TSHZ1: variants seen among roughly 807,000 people sequenced by gnomAD.
TSHZ1 encodes the protein teashirt zinc finger homeobox 1.
Under a neutral mutation model 67.1 loss-of-function variants are expected in TSHZ1, and 12 were observed. The ratio of observed to expected loss-of-function variants is 0.18; its 90% CI spans 0.11 to 0.29. The LOEUF (loss-of-function observed/expected upper bound fraction) is 0.29. Among genes scored for constraint, TSHZ1 ranks in the 10% least tolerant of loss-of-function variants. The pLI, the probability that TSHZ1 is intolerant of heterozygous loss-of-function variation, is 1.00. For synonymous variants in TSHZ1, 632 were observed against 622.4 expected (o/e 1.02, Z -0.23); for missense variants, 1,305 against 1,413.9 (o/e 0.92, Z 1.23).
chr18:75,288,294 C>A lies in TSHZ1; in HGVS notation c.2887C>A (p.Leu963Met). 1 of 1,614,212 alleles carries A rather than the reference C, an allele frequency of 6.2e-7. No individual in the cohort carries two copies. The highest frequency in any genetic ancestry group is 1.1e-5 in the South Asian group (1 of 91,080). ...RTGGTKFLKNLDTGHPVFFCN... is the reference protein window; with the variant it reads ...RTGGTKFLKNMDTGHPVFFCN... ...AGGGGGAACGAAATTCCTAAAGAAC[C>A]TGGACACAGGGCATCCTGTTTTCTT... The change falls in exon 2 of 2, where the codon CTG becomes ATG. Residue 963 changes from leucine (L) to methionine (M), a missense_variant. This residue lies in a region of TSHZ1 where 909 missense variants were observed against 961.8 expected (regional missense o/e 0.95). Coordinates refer to ENST00000580243, the MANE Select transcript of TSHZ1 (RefSeq NM_001308210.2). This position sits in a 1 kb window ranked among gnomAD's most constrained non-coding sequence, Gnocchi z 4.9.
chr18:75,272,224 G>T (rs180744019), intron 1 of TSHZ1, among the ~76,000 whole-genome samples: 2 of 152,204 alleles, frequency 1.3e-5, no homozygotes, highest in Non-Finnish European at 2.9e-5. Flanking sequence ...GGAAGAGCAC[G>T]CAGGTCTGAG....
In TSHZ1 at chr18:75,281,402, T is replaced by C. The variant is rs765805695; in HGVS notation, c.41-4046T>C. Among the ~76,000 whole-genome samples, 15 of 152,016 alleles carry C rather than the reference T, an allele frequency of 9.9e-5. No individual in the cohort carries two copies. Among genetic ancestry groups the C allele is most frequent in the Non-Finnish European group, 1.9e-4 (13 of 67,984 alleles). Reference sequence around the variant, plus strand: ...TGCTGGAGAGGGCGGTGGGGTGTCATTTTGTTTGCACACAACGTAGGTGTG... The same window carrying C: ...TGCTGGAGAGGGCGGTGGGGTGTCACTTTGTTTGCACACAACGTAGGTGTG... On this transcript the variant is annotated intron_variant, in intron 1 of 1. Coordinates refer to ENST00000580243, the MANE Select transcript of TSHZ1 (RefSeq NM_001308210.2). This position sits in a 1 kb window ranked among gnomAD's most constrained non-coding sequence, Gnocchi z 5.3.
At chr18:75,261,034 A>C (rs1200792982) in intron 1 of TSHZ1, among the ~76,000 whole-genome samples, 1 of 151,750 alleles carries the variant, frequency 6.6e-6, no homozygotes, top group Non-Finnish European at 1.5e-5. Context: ...TTCCCCCGGG[A>C]GTGAAACTGT....
intron 1 of TSHZ1, among the ~76,000 whole-genome samples, chr18:75,212,956 G>A (rs2022718639): frequency 6.6e-6 from 1 of 152,186 alleles, no homozygotes; most frequent in Non-Finnish European, 1.5e-5. Context: ...CTAAATAATA[G>A]AGTAAATCAA....
chr18:75,231,105 G>C (rs2022993120), intron 1 of TSHZ1, among the ~76,000 whole-genome samples: 1 of 152,238 alleles, frequency 6.6e-6, no homozygotes, highest in Non-Finnish European at 1.5e-5. Context: ...TTTCTCTCCA[G>C]TGGTGGAGGG....
At chr18:75,277,715 C>T (rs750386370) in intron 1 of TSHZ1, among the ~76,000 whole-genome samples, 21 of 152,130 alleles carry the variant, frequency 1.4e-4, no homozygotes, top group Non-Finnish European at 2.6e-4. Context: ...GGCCCTACCT[C>T]CTTCTGCCAT....
chr18:75,261,743 A>G lies in TSHZ1; in HGVS notation c.41-23705A>G, dbSNP rs548766057. Among the ~76,000 whole-genome samples, 11 of 152,396 alleles carry G rather than the reference A, an allele frequency of 7.2e-5. No homozygotes were observed. In the East Asian group the frequency reaches 2.1e-3, roughly 29 times the overall value. On this transcript the variant is annotated intron_variant, in intron 1 of 1. Coordinates refer to ENST00000580243, the MANE Select transcript of TSHZ1 (RefSeq NM_001308210.2). The stretch of plus-strand genomic sequence containing the variant: ...GCTGCTGTCATCATTTGAATGCTGT[A>G]GGACCTTTGGCTGAAATGAAAAGAC...
In TSHZ1 at chr18:75,269,245, T is replaced by A. The variant is rs933851190; in HGVS notation, c.41-16203T>A. 5.3e-5 allele frequency among the ~76,000 whole-genome samples: 8 copies of A among 152,332 alleles called. 1 individual carries two copies. Among genetic ancestry groups the A allele is most frequent in the African/African-American group, 1.9e-4 (8 of 41,584 alleles). On this transcript the variant is annotated intron_variant, in intron 1 of 1. Coordinates refer to ENST00000580243, the MANE Select transcript of TSHZ1 (RefSeq NM_001308210.2). ...TTTATCTGCATCAGTTTGCTTTGGA[T>A]TACATGCAGCGTCTGCTCATTCTGT...
intron 1 of TSHZ1, among the ~76,000 whole-genome samples, chr18:75,273,093 AT>A (rs2023577224): frequency 2.0e-5 from 3 of 152,162 alleles, no homozygotes; most frequent in Admixed American, 1.3e-4. Flanking sequence ...ATTTTTCAGC[AT>A]AGATTTGAAG....
Position 75,267,832 on chromosome 18 carries a change from C to T in TSHZ1, c.41-17616C>T, listed in dbSNP as rs113930961. Among the ~76,000 whole-genome samples, 1,303 of 152,272 alleles carry T rather than the reference C, an allele frequency of 8.6e-3. 20 individuals are homozygous for T. Among genetic ancestry groups the T allele is most frequent in the African/African-American group, 0.029 (1,187 of 41,532 alleles). On this transcript the variant is annotated intron_variant, in intron 1 of 1. Coordinates refer to ENST00000580243, the MANE Select transcript of TSHZ1 (RefSeq NM_001308210.2). ...CAGTATCCTGTATGACATTTTACAT[C>T]GTCTCCTCGACACAGGGCAGACAGC...
chr18:75,212,021 G>A, intron 1 of TSHZ1, 105 bp downstream of exon 1: 1 of 903,094 alleles, frequency 1.1e-6, no homozygotes, highest in Non-Finnish European at 1.4e-6. Flanking sequence ...GCCGCCCCAA[G>A]CTGGGGAGGG....
At chr18:75,234,190 G>A (rs960683925) in intron 1 of TSHZ1, among the ~76,000 whole-genome samples, 3 of 152,190 alleles carry the variant, frequency 2.0e-5, no homozygotes, top group Non-Finnish European at 4.4e-5. Flanking sequence ...TGGAGCCGGA[G>A]CCTGTGGGCC....
chr18:75,285,463 A>T lies in TSHZ1; in HGVS notation c.56A>T (p.Glu19Val). 6.7e-7 allele frequency: 1 copy of T among 1,490,516 alleles called. No homozygotes were observed. Among genetic ancestry groups the T allele is most frequent in the Non-Finnish European group, 8.9e-7 (1 of 1,119,236 alleles). 92.3% of individuals were successfully genotyped at this position (1,490,516 alleles called of 1,614,324 possible). ...PRRSAAYVPE[E>V]ELKAAEIDEE... ...TCTCTCCTAGCTTATGTTCCTGAGG[A>T]AGAATTGAAGGCAGCAGAAATAGAT... Residue 19 changes from glutamate to valine, a missense_variant, in exon 2 of 2, where the codon GAA becomes GTA. Transcript: ENST00000580243.
rs1414804763 is a variant in TSHZ1, at chr18:75,211,932, C to A, written c.40+16C>A. The A allele has an allele frequency of 4.2e-6, 5 of 1,202,052 alleles. No individual in the cohort carries two copies. Among genetic ancestry groups the A allele is most frequent in the Middle Eastern group, 3.3e-4 (1 of 3,062 alleles). The allele number at this position is 1,202,052 out of a possible 1,614,324, so 74.5% of individuals were successfully genotyped here. A position where few individuals can be genotyped will look rare whatever the true frequency, so the allele number is the denominator to read the frequency against. On this transcript the variant is annotated intron_variant, in intron 1 of 1. Coordinates refer to ENST00000580243, the MANE Select transcript of TSHZ1 (RefSeq NM_001308210.2). ...CGCTCGGCAGGTAACGGGCGCGCGG[C>A]CCGCGCCGCGGGGAGTGGGCGCCGG...
intron 1 of TSHZ1, chr18:75,244,445 G>A (rs2023197525): frequency 6.6e-6 from 1 of 152,262 alleles, no homozygotes; most frequent in Non-Finnish European, 1.5e-5. Context: ...TCTCAGTGAT[G>A]TGGCGCATTC....
At position 75,236,327 on chromosome 18, in the gene TSHZ1, C is replaced by A. The variant is rs139949512; in HGVS notation, c.40+24411C>A. On this transcript the variant is annotated intron_variant, in intron 1 of 1. Coordinates refer to ENST00000580243, the MANE Select transcript of TSHZ1 (RefSeq NM_001308210.2). Reference sequence around the variant, plus strand: ...CTAACAGGTTCCCCTTTCTTTAAATCACACCACATTGTAGCTGCGTCTTCC... The same window carrying A: ...CTAACAGGTTCCCCTTTCTTTAAATAACACCACATTGTAGCTGCGTCTTCC... Among the ~76,000 whole-genome samples, 741 of 152,222 alleles carry A rather than the reference C, an allele frequency of 4.9e-3. 3 individuals are homozygous for A. Among genetic ancestry groups the A allele is most frequent in the Non-Finnish European group, 7.2e-3 (490 of 68,010 alleles).
intron 1 of TSHZ1, among the ~76,000 whole-genome samples, chr18:75,254,600 G>C (rs1403110998): frequency 1.3e-5 from 2 of 152,146 alleles, no homozygotes; most frequent in Admixed American, 1.3e-4. Flanking sequence ...GTAGTAAATT[G>C]GGAGTGGGAA....
At position 75,286,685 on chromosome 18, in the gene TSHZ1, C is replaced by T. The variant is rs2023770948; in HGVS notation, c.1278C>T (p.Asp426=). Residue 426 remains aspartate, a synonymous_variant, in exon 2 of 2, where the codon GAC becomes GAT. Transcript: ENST00000580243. This position sits in a 1 kb window ranked among gnomAD's most constrained non-coding sequence, Gnocchi z 5.1. ...LKCMECGSSH[D]TLQQLTAHMM... is the part of the protein sequence containing the mutation. ...GCATGGAGTGTGGCAGCTCCCACGA[C>T]ACGCTGCAGCAGCTCACCGCCCACA... The T allele has an allele frequency of 6.2e-7, 1 of 1,614,046 alleles. No individual in the cohort carries two copies. Among genetic ancestry groups the T allele is most frequent in the Non-Finnish European group, 8.5e-7 (1 of 1,180,042 alleles).
intron 1 of TSHZ1, among the ~76,000 whole-genome samples, chr18:75,277,110 G>C (rs117450073): frequency 2.4e-3 from 366 of 152,310 alleles, no homozygotes; most frequent in African/African-American, 8.4e-3. Flanking sequence ...AGGCAGGCAC[G>C]GGGAAAAGAA....
Sources: allele counts gnomAD v4.1 joint callset (sites outside exome capture counted in the v4.1 genomes callset), GRCh38; gene constraint gnomAD v4.1.1; regional missense constraint gnomAD v4.1.1; non-coding constraint Gnocchi (gnomAD v3.1); transcripts MANE v1.5; gene names NCBI Gene and HGNC (gene_info 2026-07-23, HGNC 2026-07-21).